Variants in TMEM260 observed in about 807,000 individuals in gnomAD.
TMEM260 encodes the protein protein O-mannosyl-transferase TMEM260.
TMEM260 carries 82 observed loss-of-function variants against 88.9 expected under a neutral mutation model. The ratio of observed to expected loss-of-function variants is 0.92; its 90% CI spans 0.77 to 1.11. The LOEUF (loss-of-function observed/expected upper bound fraction) is 1.11, where lower values mean the gene tolerates loss of function less well. Ranked by LOEUF, TMEM260 falls within the 50% of genes least tolerant of loss-of-function variation. The pLI is 0.00. For synonymous variants in TMEM260, 314 were observed against 309.3 expected (o/e 1.02, Z -0.16); for missense variants, 902 against 853.4 (o/e 1.06, Z -0.71).
intron 7 of TMEM260, 50 bp from the exon 8 acceptor site, chr14:56,615,894 A>C: frequency 1.6e-6 from 2 of 1,247,496 alleles, no homozygotes; most frequent in Non-Finnish European, 2.4e-6. Context: ...TTTATTTGGA[A>C]TCAATCAAAT....
At chr14:56,606,863 C>T (rs1328126596) in intron 5 of TMEM260, among the ~76,000 whole-genome samples, 1 of 151,764 alleles carries the variant, frequency 6.6e-6, no homozygotes, top group Non-Finnish European at 1.5e-5. Flanking sequence ...CCACTGCGCT[C>T]CAGCCTGGGT....
Position 56,633,034 on chromosome 14 carries a change from C to T in TMEM260, c.1587C>T (p.Asp529=), listed in dbSNP as rs1447472058. The T allele has an allele frequency of 3.1e-6, 5 of 1,613,756 alleles. No homozygotes were observed. Among genetic ancestry groups the T allele is most frequent in the South Asian group, 1.1e-5 (1 of 91,058 alleles). The stretch of plus-strand genomic sequence containing the variant: ...TTTGCATAGGAATTCATGAAGGCGA[C>T]CCAACCTGGAAAAAGAACTATTCAC... The part of the protein sequence containing the change: ...TFVCIGIHEG[D]PTWKKNYSLW... Residue 529 remains aspartate, a synonymous_variant, in exon 13 of 16, where the codon GAC becomes GAT. Transcript: ENST00000261556.
At chr14:56,637,528 T>TAGG (rs1368100583) in intron 15 of TMEM260, among the ~76,000 whole-genome samples, 3 of 152,206 alleles carry the variant, frequency 2.0e-5, no homozygotes, top group African/African-American at 7.2e-5. Flanking sequence ...TGCTATGACT[T>TAGG]ACGGCACTGG....
intron 1 of TMEM260, among the ~76,000 whole-genome samples, chr14:56,581,863 TCCA>T (rs1885159898): frequency 6.6e-6 from 1 of 152,248 alleles, no homozygotes; most frequent in African/African-American, 2.4e-5. Context: ...CTTTTCTAAA[TCCA>T]CCATCACATA....
chr14:56,620,842 T>C lies in TMEM260; in HGVS notation c.1227-689T>C, dbSNP rs28382344. On this transcript the variant is annotated intron_variant, in intron 10 of 15. Transcript: ENST00000261556. ...GTCATCTTTTTCTTTTTTCATAGAA[T>C]GCTGTCAGAATTCATGCCAGTTTTT... is the stretch of plus-strand genomic sequence containing the variant. Among the ~76,000 whole-genome samples the C allele has an allele frequency of 4.4e-3, 671 of 152,314 alleles. 7 individuals carry two copies. Among genetic ancestry groups the C allele is most frequent in the African/African-American group, 0.016 (645 of 41,570 alleles).
downstream of TMEM260, among the ~76,000 whole-genome samples, chr14:56,655,597 CAAAT>C (rs749841615): frequency 8.5e-5 from 13 of 152,194 alleles, no homozygotes; most frequent in African/African-American, 2.2e-4. Flanking sequence ...CCTTGCTGAA[CAAAT>C]AAATAGTTGA....
intron 15 of TMEM260, among the ~76,000 whole-genome samples, chr14:56,645,673 AAAAT>A (rs1488605598): frequency 6.6e-6 from 1 of 152,190 alleles, no homozygotes; most frequent in African/African-American, 2.4e-5. Flanking sequence ...CTTAATTTAA[AAAAT>A]AAAATTGATA....
intron 11 of TMEM260, 86 bp downstream of exon 11, chr14:56,621,788 C>T (rs12589117): frequency 0.074 from 86,958 of 1,169,144 alleles, 5,640 homozygotes; most frequent in African/African-American, 0.27. Context: ...AAATGGTGGA[C>T]GGGTACAGTT....
At chr14:56,624,418 A>G (rs1471283124) in intron 11 of TMEM260, among the ~76,000 whole-genome samples, 1 of 152,130 alleles carries the variant, frequency 6.6e-6, no homozygotes, top group Non-Finnish European at 1.5e-5. Flanking sequence ...TATCAAAAAT[A>G]CAAAAATTAT....
chr14:56,580,934 C>G (rs754627483), intron 1 of TMEM260, among the ~76,000 whole-genome samples: 13 of 152,188 alleles, frequency 8.5e-5, no homozygotes, highest in Non-Finnish European at 1.8e-4. Context: ...GCAGCTTAAA[C>G]AGCAAACGTT....
chr14:56,644,663 A>G (rs561455492), intron 15 of TMEM260, among the ~76,000 whole-genome samples: 35 of 152,358 alleles, frequency 2.3e-4, no homozygotes, highest in African/African-American at 8.4e-4. Context: ...GGATCTAATT[A>G]AACTTAAGAG....
At position 56,585,920 on chromosome 14, in the gene TMEM260, A is replaced by G; in HGVS notation, c.344+8A>G. 6.2e-7 allele frequency: 1 copy of G among 1,610,442 alleles called. No individual in the cohort carries two copies. Among genetic ancestry groups the G allele is most frequent in the East Asian group, 2.2e-5 (1 of 44,810 alleles). ...TTTTTTCACCGTTTTCAGGTAAAGT[A>G]GTTGATTAGTTAAAATTAATTTTGA... On this transcript the variant is annotated splice_region_variant and intron_variant, in intron 3 of 15. Transcript: ENST00000261556.
In TMEM260 at chr14:56,636,583, C is replaced by G; in HGVS notation, c.1854C>G (p.Tyr618Ter). 6.2e-7 allele frequency: 1 copy of G among 1,613,780 alleles called. No individual in the cohort carries two copies. The highest frequency in any genetic ancestry group is 8.5e-7 in the Non-Finnish European group (1 of 1,179,792). ...CTTCAAAAGTGAAAGCTCAACTCTACGCTCAAGCATATGACGTATGTTACA... is the reference window on the plus strand; with the variant it reads ...CTTCAAAAGTGAAAGCTCAACTCTAGGCTCAAGCATATGACGTATGTTACA... ...HMPSKVKAQL[Y>*]AQAYDLYKEI... The change falls in exon 15 of 16, where the codon TAC becomes TAG. Residue 618 changes from tyrosine to a stop codon, truncating the protein, a stop_gained. Coordinates refer to ENST00000261556, the MANE Select transcript of TMEM260 (RefSeq NM_017799.4). LOFTEE classifies it high-confidence loss of function.
intron 14 of TMEM260, 111 bp downstream of exon 14, chr14:56,635,063 A>G: frequency 4.4e-6 from 4 of 900,812 alleles, no homozygotes; most frequent in Non-Finnish European, 7.2e-6. Context: ...TAAAAATAGC[A>G]TTTATGAGCA....
Position 56,647,337 on chromosome 14 carries a change from C to CA in TMEM260, c.1966dup (p.Arg656LysfsTer6), listed in dbSNP as rs766333701. On this transcript the variant is annotated frameshift_variant, in exon 16 of 16. Transcript: ENST00000261556. LOFTEE classifies it high-confidence loss of function. ...TGTGAGCGGATGCTGCGTCTTCAGG[C>CA]AAGAGATGCAGATCCTGAAGTGCTG... 1.2e-6 allele frequency: 2 copies of CA among 1,614,176 alleles called. No individual in the cohort carries two copies. The highest frequency in any genetic ancestry group is 1.1e-5 in the South Asian group (1 of 91,086).
intron 14 of TMEM260, 106 bp downstream of exon 14, chr14:56,635,058 A>T: frequency 1.0e-6 from 1 of 955,946 alleles, no homozygotes; most frequent in Non-Finnish European, 1.7e-6. Context: ...GATAATAAAA[A>T]TAGCATTTAT....
intron 14 of TMEM260, among the ~76,000 whole-genome samples, chr14:56,635,256 T>TG (rs1201913854): frequency 3.9e-5 from 6 of 152,214 alleles, no homozygotes; most frequent in Non-Finnish European, 7.3e-5. Context: ...TGTCTGCCTC[T>TG]GGAACACTCA....
chr14:56,591,628 T>A (rs17091757), intron 3 of TMEM260, among the ~76,000 whole-genome samples: 1 of 152,240 alleles, frequency 6.6e-6, no homozygotes, highest in South Asian at 2.1e-4. Flanking sequence ...TTTTGAAGAT[T>A]GAGTAACAAA....
the TMEM260 span, among the ~76,000 whole-genome samples, chr14:56,659,597 G>A: frequency 6.6e-6 from 1 of 152,128 alleles, no homozygotes; most frequent in African/African-American, 2.4e-5. Flanking sequence ...AGGCCGATGG[G>A]ATTAAATTCC....
Sources: gnomAD v4.1 joint callset for allele counts (sites outside exome capture counted in the v4.1 genomes callset) on GRCh38, gnomAD v4.1.1 for gene constraint, MANE v1.5 for transcripts, NCBI Gene and HGNC (gene_info 2026-07-23, HGNC 2026-07-21) for gene names.